MLLT3: variants seen among roughly 807,000 people sequenced by gnomAD.
MLLT3 encodes the protein protein AF-9.
MLLT3 carries 4 observed loss-of-function variants against 53.2 expected under a neutral mutation model. The ratio of observed to expected loss-of-function variants is 0.08; its 90% CI spans 0.04 to 0.17. The LOEUF (loss-of-function observed/expected upper bound fraction) is 0.17, where lower values mean the gene tolerates loss of function less well. Among genes scored for constraint, MLLT3 ranks in the 10% least tolerant of loss-of-function variants. The pLI is 1.00. For synonymous variants in MLLT3, 283 were observed against 230.6 expected (o/e 1.23, Z -2.06); for missense variants, 569 against 684.0 (o/e 0.83, Z 1.87).
intron 2 of MLLT3, among the ~76,000 whole-genome samples, chr9:20,578,804 C>T (rs886090362): frequency 2.7e-4 from 41 of 151,994 alleles, no homozygotes; most frequent in Admixed American, 2.3e-3. Flanking sequence ...AATCTAAATA[C>T]ATACCAGATT....
intron 2 of MLLT3, among the ~76,000 whole-genome samples, chr9:20,589,236 CA>C (rs1820060383): frequency 6.6e-6 from 1 of 151,730 alleles, no homozygotes; most frequent in Admixed American, 6.6e-5. Flanking sequence ...ACATATACAC[CA>C]TGGAATACTA....
intron 4 of MLLT3, among the ~76,000 whole-genome samples, chr9:20,440,015 C>T (rs1823504247): frequency 6.6e-6 from 1 of 151,960 alleles, no homozygotes; most frequent in South Asian, 2.1e-4. Context: ...TTCACCATTC[C>T]AGATAACAGA....
At chr9:20,539,604 C>T (rs907851183) in intron 2 of MLLT3, among the ~76,000 whole-genome samples, 2 of 152,168 alleles carry the variant, frequency 1.3e-5, no homozygotes, top group African/African-American at 4.8e-5. Context: ...ACAGGAATAA[C>T]ATGGGGGAAA....
intron 2 of MLLT3, among the ~76,000 whole-genome samples, chr9:20,546,172 G>A (rs1818782173): frequency 6.6e-6 from 1 of 152,194 alleles, no homozygotes; most frequent in African/African-American, 2.4e-5. Flanking sequence ...GAACGTAGGA[G>A]TTTATCAAAA....
rs1222102878 is a variant in MLLT3, at chr9:20,344,552, T to C, written c.*1891A>G. On this transcript the variant is annotated 3_prime_UTR_variant, in exon 11 of 11. Coordinates refer to ENST00000380338, the MANE Select transcript of MLLT3 (RefSeq NM_004529.4). Reference sequence around the variant, plus strand: ...AAGAAGTGGACAATACAACAAATGCTTCAAGTACGGTTCATGCCAATCGTC... The same window carrying C: ...AAGAAGTGGACAATACAACAAATGCCTCAAGTACGGTTCATGCCAATCGTC... 1.4e-5 allele frequency: 3 copies of C among 216,146 alleles called. No homozygotes were observed. The East Asian group carries it at 2.1e-4, about 15-fold the overall frequency. 13.4% of individuals were successfully genotyped at this position (216,146 alleles called of 1,614,324 possible). A position where few individuals can be genotyped will look rare whatever the true frequency, so the allele number is the denominator to read the frequency against.
intron 2 of MLLT3, among the ~76,000 whole-genome samples, chr9:20,570,118 G>A (rs1453533959): frequency 6.6e-6 from 1 of 152,144 alleles, no homozygotes; most frequent in African/African-American, 2.4e-5. Context: ...GCTTTGTTTG[G>A]CATTTGATTA....
intron 4 of MLLT3, among the ~76,000 whole-genome samples, chr9:20,421,768 G>T (rs946069097): frequency 6.6e-6 from 1 of 152,026 alleles, no homozygotes; most frequent in Non-Finnish European, 1.5e-5. Flanking sequence ...AGATTAATGA[G>T]GAGACAGCAA....
At chr9:20,606,348 T>A (rs541989828) in intron 2 of MLLT3, among the ~76,000 whole-genome samples, 1 of 152,050 alleles carries the variant, frequency 6.6e-6, no homozygotes, top group African/African-American at 2.4e-5. Context: ...GGCGGATTCA[T>A]GAGTGGATGG....
intron 2 of MLLT3, among the ~76,000 whole-genome samples, chr9:20,543,635 C>G (rs940066698): frequency 1.3e-5 from 2 of 151,084 alleles, no homozygotes; most frequent in Non-Finnish European, 2.9e-5. Context: ...GAATGAGACC[C>G]TGTCCCAGAA....
At chr9:20,488,516 T>C (rs1824869143) in intron 2 of MLLT3, among the ~76,000 whole-genome samples, 1 of 152,200 alleles carries the variant, frequency 6.6e-6, no homozygotes, top group African/African-American at 2.4e-5. Flanking sequence ...TGCGAATCAT[T>C]TCCCTGATTA....
chr9:20,384,223 T>C (rs1390204759), intron 5 of MLLT3, among the ~76,000 whole-genome samples: 4 of 152,032 alleles, frequency 2.6e-5, no homozygotes, highest in African/African-American at 9.7e-5. Flanking sequence ...GGCAGAAATA[T>C]TTGTCTGTAG....
At chr9:20,374,978 CACCAAAGAGCTTGCTTCTTTTCTTTCTT>C (rs1467723869) in intron 5 of MLLT3, among the ~76,000 whole-genome samples, 6 of 152,224 alleles carry the variant, frequency 3.9e-5, no homozygotes, top group Admixed American at 6.5e-5. Context: ...TAAGAACAGA[CACCAAAGAGCTTGCTTCTTTTCTTTCTT>C]ACTATGTGAG....
chr9:20,493,224 A>G (rs573319055), intron 2 of MLLT3, among the ~76,000 whole-genome samples: 1 of 152,116 alleles, frequency 6.6e-6, no homozygotes, highest in South Asian at 2.1e-4. Context: ...TTGTTTAAAG[A>G]CATTCGCCAC....
intron 2 of MLLT3, among the ~76,000 whole-genome samples, chr9:20,520,874 C>T (rs142054148): frequency 2.6e-5 from 4 of 152,158 alleles, no homozygotes; most frequent in Non-Finnish European, 4.4e-5. Context: ...AAGCCAGAGA[C>T]GCAGCAACTG....
At chr9:20,422,353 C>T (rs1281899067) in intron 4 of MLLT3, among the ~76,000 whole-genome samples, 2 of 152,154 alleles carry the variant, frequency 1.3e-5, no homozygotes, top group Admixed American at 6.5e-5. Flanking sequence ...AATATATCCT[C>T]GCAGATCCAA....
chr9:20,370,450 A>C (rs1262397090), intron 5 of MLLT3, among the ~76,000 whole-genome samples: 1 of 152,060 alleles, frequency 6.6e-6, no homozygotes, highest in Non-Finnish European at 1.5e-5. Context: ...AACAATACTG[A>C]AATTAGGCCA....
At chr9:20,587,823 T>C (rs924149806) in intron 2 of MLLT3, among the ~76,000 whole-genome samples, 2 of 152,196 alleles carry the variant, frequency 1.3e-5, no homozygotes, top group African/African-American at 2.4e-5. Context: ...TTTCTTTTGC[T>C]GTGCAGAAGC....
At chr9:20,437,591 A>T (rs1410859158) in intron 4 of MLLT3, among the ~76,000 whole-genome samples, 3 of 152,142 alleles carry the variant, frequency 2.0e-5, no homozygotes, top group African/African-American at 7.2e-5. Context: ...AGGAAGAAAA[A>T]ATACAAAGGG....
chr9:20,483,032 G>A (rs1228933066), intron 2 of MLLT3, among the ~76,000 whole-genome samples: 4 of 151,884 alleles, frequency 2.6e-5, no homozygotes, highest in Non-Finnish European at 5.9e-5. Flanking sequence ...ACTGACAAAT[G>A]ACAAGTGATT....
Sources: allele counts gnomAD v4.1 joint callset (sites outside exome capture counted in the v4.1 genomes callset), GRCh38; gene constraint gnomAD v4.1.1; transcripts MANE v1.5; gene names NCBI Gene and HGNC (gene_info 2026-07-23, HGNC 2026-07-21).